Variants in SLC35D2 observed in about 807,000 individuals in gnomAD.
SLC35D2 encodes nucleotide sugar transporter SLC35D2.
SLC35D2 carries 43 observed loss-of-function variants against 41.8 expected under a neutral mutation model. That is an observed-to-expected ratio of 1.03 (90% confidence interval 0.81 to 1.33). The LOEUF is 1.33. SLC35D2 is among the 40% of genes most tolerant of loss of function. The pLI is 0.00. For synonymous variants in SLC35D2, 150 were observed against 163.9 expected (o/e 0.92, Z 0.65); for missense variants, 380 against 408.4 (o/e 0.93, Z 0.60).
intron 6 of SLC35D2, among the ~76,000 whole-genome samples, chr9:96,350,347 CTTTTTTTTT>C (rs57531044): frequency 1.4e-4 from 13 of 91,010 alleles, no homozygotes; most frequent in African/African-American, 6.5e-4. Flanking sequence ...ATTTTCTTTC[CTTTTTTTTT>C]TTTTTTTTTT....
intron 6 of SLC35D2, among the ~76,000 whole-genome samples, chr9:96,349,715 G>A (rs535072017): frequency 6.6e-6 from 1 of 152,242 alleles, no homozygotes; most frequent in East Asian, 1.9e-4. Flanking sequence ...TAGTAGAGAT[G>A]GGGTTTTGCC....
At chr9:96,372,866 A>G (rs2131020230) in intron 1 of SLC35D2, among the ~76,000 whole-genome samples, 1 of 149,086 alleles carries the variant, frequency 6.7e-6, no homozygotes, top group East Asian at 2.0e-4. Flanking sequence ...GATTACAGGC[A>G]CTAGCAACCA....
At chr9:96,343,563 G>C (rs1431912538) in intron 8 of SLC35D2, among the ~76,000 whole-genome samples, 1 of 152,164 alleles carries the variant, frequency 6.6e-6, no homozygotes, top group Admixed American at 6.5e-5. Context: ...ACAAACCTAT[G>C]TTTTAAAATG....
intron 4 of SLC35D2, among the ~76,000 whole-genome samples, chr9:96,355,647 C>G (rs536778024): frequency 1.1e-4 from 17 of 152,106 alleles, no homozygotes; most frequent in Admixed American, 4.6e-4. Context: ...CAGGTATCCA[C>G]CAACACACCC....
intron 10 of SLC35D2, among the ~76,000 whole-genome samples, chr9:96,322,674 G>T (rs5000921): frequency 6.7e-6 from 1 of 149,978 alleles, no homozygotes; most frequent in African/African-American, 2.5e-5. Context: ...AGCTTGCCAG[G>T]TTCCTATCTC....
intron 3 of SLC35D2, among the ~76,000 whole-genome samples, chr9:96,361,617 C>T (rs1410703177): frequency 2.6e-5 from 4 of 151,486 alleles, no homozygotes; most frequent in Admixed American, 1.3e-4. Flanking sequence ...CCCATGAGTT[C>T]GAAGCTGCAG....
chr9:96,335,183 C>A (rs1828993295), intron 9 of SLC35D2, among the ~76,000 whole-genome samples: 1 of 152,100 alleles, frequency 6.6e-6, no homozygotes, highest in African/African-American at 2.4e-5. Flanking sequence ...TAATTCCCTG[C>A]TATAGGAATT....
intron 4 of SLC35D2, among the ~76,000 whole-genome samples, chr9:96,358,706 A>G (rs1830139483): frequency 6.6e-6 from 1 of 152,182 alleles, no homozygotes; most frequent in South Asian, 2.1e-4. Flanking sequence ...GAAAAAGTTT[A>G]GGTTGGGTGT....
At chr9:96,358,078 TTTTATATATATA>T (rs1200237425) in intron 4 of SLC35D2, among the ~76,000 whole-genome samples, 4 of 79,258 alleles carry the variant, frequency 5.0e-5, no homozygotes, top group Non-Finnish European at 7.3e-5. Flanking sequence ...ATATTATATA[TTTTATATATATA>T]TATATATATA....
chr9:96,375,211 CA>C (rs1335625808), intron 1 of SLC35D2, among the ~76,000 whole-genome samples: 3 of 151,558 alleles, frequency 2.0e-5, no homozygotes, highest in African/African-American at 7.3e-5. Flanking sequence ...AGGCTGGTCT[CA>C]AACTCCTGAC....
chr9:96,378,722 G>A (rs543238746), intron 1 of SLC35D2, among the ~76,000 whole-genome samples: 1 of 151,736 alleles, frequency 6.6e-6, no homozygotes, highest in Non-Finnish European at 1.5e-5. Flanking sequence ...CTGGGCAATA[G>A]AGCAAAACCT....
intron 1 of SLC35D2, 34 bp from the exon 2 acceptor site, chr9:96,368,339 C>A (rs1192971663): frequency 1.9e-6 from 3 of 1,570,418 alleles, no homozygotes; most frequent in Admixed American, 1.7e-5. Flanking sequence ...ATCAGTTGAG[C>A]AAATATAAAA....
At chr9:96,364,918 G>A (rs1830416776) in intron 2 of SLC35D2, among the ~76,000 whole-genome samples, 1 of 151,550 alleles carries the variant, frequency 6.6e-6, no homozygotes, top group African/African-American at 2.4e-5. Context: ...TGGGCATGGT[G>A]GCAGACGCAG....
intron 11 of SLC35D2, among the ~76,000 whole-genome samples, chr9:96,321,633 G>A (rs1203795566): frequency 2.6e-5 from 4 of 152,080 alleles, no homozygotes; most frequent in Non-Finnish European, 1.5e-5. Flanking sequence ...TCCCACTGCT[G>A]AGACCCCAAA....
intron 9 of SLC35D2, among the ~76,000 whole-genome samples, chr9:96,335,308 A>C (rs34502205): frequency 0.026 from 3,999 of 152,300 alleles, 79 homozygotes; most frequent in Middle Eastern, 0.054. Context: ...AGAAAACTAC[A>C]GTGTGGAGGC....
At chr9:96,334,574 G>A (rs1408035450) in intron 9 of SLC35D2, among the ~76,000 whole-genome samples, 3 of 152,098 alleles carry the variant, frequency 2.0e-5, no homozygotes, top group Admixed American at 2.0e-4. Flanking sequence ...AGAGGCAGAG[G>A]TTGCAGTGAG....
chr9:96,362,606 A>C (rs1321433903), intron 3 of SLC35D2, among the ~76,000 whole-genome samples: 1 of 152,168 alleles, frequency 6.6e-6, no homozygotes, highest in African/African-American at 2.4e-5. Context: ...GATAGTGGGT[A>C]AGGAAGACTT....
intron 1 of SLC35D2, among the ~76,000 whole-genome samples, chr9:96,372,444 G>A (rs2131018223): frequency 6.6e-6 from 1 of 152,094 alleles, no homozygotes; most frequent in African/African-American, 2.4e-5. Flanking sequence ...AACATCTTTG[G>A]GACAACTGGG....
intron 1 of SLC35D2, 119 bp from the exon 2 acceptor site, chr9:96,368,424 C>A: frequency 7.4e-6 from 6 of 808,952 alleles, no homozygotes; most frequent in South Asian, 4.0e-5. Context: ...TCAAATTGTT[C>A]ACTTTTCATT....
Sources: gnomAD v4.1 joint callset for allele counts (sites outside exome capture counted in the v4.1 genomes callset) on GRCh38, gnomAD v4.1.1 for gene constraint, MANE v1.5 for transcripts, NCBI Gene and HGNC (gene_info 2026-07-23, HGNC 2026-07-21) for gene names.